Variants in DEPDC1B observed in about 807,000 individuals in gnomAD.
The protein encoded by DEPDC1B is DEP domain containing 1B, also known as DEP domain-containing protein 1B.
Under a neutral mutation model 66.5 loss-of-function variants are expected in DEPDC1B, and 51 were observed. That is an observed-to-expected ratio of 0.77 (90% CI 0.61 to 0.97). The LOEUF (loss-of-function observed/expected upper bound fraction) is 0.97. DEPDC1B is among the 50% of genes least tolerant of loss of function. The pLI is 0.00. For missense variants in DEPDC1B, 552 were observed against 637.1 expected (o/e 0.87, Z 1.44); for synonymous variants, 226 against 223.6 (o/e 1.01, Z -0.10).
intron 3 of DEPDC1B, among the ~76,000 whole-genome samples, chr5:60,647,094 C>T (rs773055864): frequency 8.6e-5 from 13 of 151,814 alleles, no homozygotes; most frequent in African/African-American, 2.7e-4. Context: ...ACCACCCCCA[C>T]CCCCACCCCA....
chr5:60,647,288 A>C (rs1386643550), intron 3 of DEPDC1B, 110 bp downstream of exon 3: 1 of 1,386,676 alleles, frequency 7.2e-7, no homozygotes, highest in Non-Finnish European at 9.5e-7. Context: ...TTTTGTTTTA[A>C]AGTACCTTTA....
At chr5:60,648,623 G>T (rs905190381) in intron 2 of DEPDC1B, among the ~76,000 whole-genome samples, 6 of 152,160 alleles carry the variant, frequency 3.9e-5, no homozygotes, top group African/African-American at 1.4e-4. Context: ...CAATAGATTT[G>T]AAAAGGAATG....
intron 1 of DEPDC1B, among the ~76,000 whole-genome samples, chr5:60,691,979 T>C (rs982037894): frequency 6.6e-6 from 1 of 152,178 alleles, no homozygotes; most frequent in Non-Finnish European, 1.5e-5. Flanking sequence ...GGTATACATA[T>C]ACAATATAAT....
At chr5:60,599,882 C>T (rs1417581028) in intron 9 of DEPDC1B, among the ~76,000 whole-genome samples, 3 of 151,196 alleles carry the variant, frequency 2.0e-5, no homozygotes, top group Admixed American at 1.3e-4. Context: ...GCTCTGAAGG[C>T]TGTAAGACCC....
intron 7 of DEPDC1B, among the ~76,000 whole-genome samples, chr5:60,612,421 T>TAAA (rs564965370): frequency 1.0e-5 from 1 of 97,306 alleles, no homozygotes; most frequent in African/African-American, 3.9e-5. Context: ...AGACTCCACC[T>TAAA]AAAAAAAAAA....
At chr5:60,663,691 G>T (rs1300313723) in intron 2 of DEPDC1B, among the ~76,000 whole-genome samples, 1 of 152,206 alleles carries the variant, frequency 6.6e-6, no homozygotes, top group Non-Finnish European at 1.5e-5. Context: ...ACTTGAGCCA[G>T]TTCTCATACT....
intron 1 of DEPDC1B, chr5:60,689,092 G>C (rs1262188405): frequency 2.2e-6 from 1 of 456,094 alleles, no homozygotes; most frequent in Admixed American, 2.4e-5. Context: ...TCAGACTTGA[G>C]TTCAAATCCC....
At position 60,668,281 on chromosome 5, in the gene DEPDC1B, A is replaced by AT. The variant is rs567766660; in HGVS notation, c.314+18680dup. Among the ~76,000 whole-genome samples, 171 of 123,270 alleles carry AT rather than the reference A, an allele frequency of 1.4e-3. 7 individuals are homozygous for AT. Among genetic ancestry groups the AT allele is most frequent in the African/African-American group, 3.6e-3 (117 of 32,632 alleles). The allele number at this position is 123,270 out of a possible 152,430, so 80.9% of individuals were successfully genotyped here. On this transcript the variant is annotated intron_variant, in intron 2 of 10. Coordinates refer to ENST00000265036, the MANE Select transcript of DEPDC1B (RefSeq NM_018369.3). ...ATTATATATATATATATATATATGT[A>AT]TTTTTTTTTTTGAGATGGAGTCTCG... is the stretch of plus-strand genomic sequence containing the variant.
At chr5:60,638,628 A>T in intron 7 of DEPDC1B, 122 bp downstream of exon 7, 1 of 999,330 alleles carries the variant, frequency 1.0e-6, no homozygotes, top group Non-Finnish European at 1.4e-6. Flanking sequence ...TATGCCAAAT[A>T]CTCTATCAGT....
intron 7 of DEPDC1B, among the ~76,000 whole-genome samples, chr5:60,622,372 G>T (rs947441237): frequency 7.9e-5 from 12 of 152,102 alleles, no homozygotes; most frequent in African/African-American, 2.9e-4. Flanking sequence ...TTATATTGTT[G>T]TATGTACCCA....
chr5:60,637,031 CA>C (rs1177911641), intron 7 of DEPDC1B, among the ~76,000 whole-genome samples: 5 of 151,966 alleles, frequency 3.3e-5, no homozygotes, highest in Non-Finnish European at 7.4e-5. Context: ...AAAAAGTTTC[CA>C]AAACAGATAC....
In DEPDC1B at chr5:60,700,134, T is replaced by TC; in HGVS notation, c.-42dup. 6.5e-7 allele frequency: 1 copy of TC among 1,531,264 alleles called. No homozygotes were observed. Among genetic ancestry groups the TC allele is most frequent in the Non-Finnish European group, 8.8e-7 (1 of 1,142,390 alleles). 94.9% of individuals were successfully genotyped at this position (1,531,264 alleles called of 1,614,324 possible). On this transcript the variant is annotated 5_prime_UTR_variant, in exon 1 of 11. Transcript: ENST00000265036. ...GCGGCCGCAGCCGCGCCAGCGCTGATCCCCGCCAGCCGGAGGAGCAGCAGT... is the reference window on the plus strand; with the variant it reads ...GCGGCCGCAGCCGCGCCAGCGCTGATCCCCCGCCAGCCGGAGGAGCAGCAGT...
chr5:60,664,795 A>T (rs1028163851), intron 2 of DEPDC1B, among the ~76,000 whole-genome samples: 1 of 152,172 alleles, frequency 6.6e-6, no homozygotes, highest in Non-Finnish European at 1.5e-5. Flanking sequence ...TAGGAGAAGG[A>T]AAAAGAGTAA....
At chr5:60,656,838 T>A (rs1037469951) in intron 2 of DEPDC1B, among the ~76,000 whole-genome samples, 2 of 152,080 alleles carry the variant, frequency 1.3e-5, no homozygotes, top group African/African-American at 4.8e-5. Flanking sequence ...CACATGGGGA[T>A]TGTAGGGATT....
At chr5:60,659,075 T>C (rs991944371) in intron 2 of DEPDC1B, among the ~76,000 whole-genome samples, 1 of 152,186 alleles carries the variant, frequency 6.6e-6, no homozygotes, top group African/African-American at 2.4e-5. Flanking sequence ...GGTTCCACAG[T>C]TCTCTTCCAT....
chr5:60,655,823 C>G (rs529083287), intron 2 of DEPDC1B, among the ~76,000 whole-genome samples: 1 of 148,944 alleles, frequency 6.7e-6, no homozygotes, highest in South Asian at 2.2e-4. Flanking sequence ...TGGGTCACTA[C>G]CATAGTTCAG....
At chr5:60,661,428 G>A (rs1753713092) in intron 2 of DEPDC1B, among the ~76,000 whole-genome samples, 1 of 152,192 alleles carries the variant, frequency 6.6e-6, no homozygotes, top group South Asian at 2.1e-4. Flanking sequence ...AAGACTAGGG[G>A]TCCTGGCATC....
rs551199101 is a variant in DEPDC1B, at chr5:60,695,511, C to A, written c.48+4535G>T. On this transcript the variant is annotated intron_variant, in intron 1 of 10. Coordinates refer to ENST00000265036, the MANE Select transcript of DEPDC1B (RefSeq NM_018369.3). The stretch of plus-strand genomic sequence containing the variant: ...ATCTGCCCCAGTGACCCAAACACCT[C>A]CACTAGGCCCCACCTCCAACACTGT... 2.6e-5 allele frequency among the ~76,000 whole-genome samples: 4 copies of A among 152,320 alleles called. No individual in the cohort carries two copies. In the East Asian group the frequency reaches 7.7e-4, roughly 29 times the overall value.
intron 2 of DEPDC1B, among the ~76,000 whole-genome samples, chr5:60,663,905 G>A (rs1415599408): frequency 6.6e-6 from 1 of 152,212 alleles, no homozygotes; most frequent in Non-Finnish European, 1.5e-5. Flanking sequence ...CCTCAGTGAG[G>A]AATGTATCCA....
Sources: allele counts gnomAD v4.1 joint callset (sites outside exome capture counted in the v4.1 genomes callset), GRCh38; gene constraint gnomAD v4.1.1; transcripts MANE v1.5; gene names NCBI Gene and HGNC (gene_info 2026-07-23, HGNC 2026-07-21).